The following LHCGR variants were observed in gnomAD, a reference collection of about 807,000 sequenced individuals.
The protein encoded by LHCGR is lutropin-choriogonadotropic hormone receptor.
A neutral mutation model predicts 60.7 loss-of-function variants in LHCGR; 55 were observed. The ratio of observed to expected loss-of-function variants is 0.91; its 90% CI spans 0.73 to 1.13. The LOEUF (loss-of-function observed/expected upper bound fraction) is 1.13. Among genes scored for constraint, LHCGR ranks in the 50% most tolerant of loss-of-function variants. The pLI is 0.00. For missense variants in LHCGR, 862 were observed against 836.0 expected (o/e 1.03, Z -0.38); for synonymous variants, 337 against 316.5 (o/e 1.06, Z -0.69).
At chr2:48,721,197 G>T (rs546658247) in intron 6 of LHCGR, 1 of 155,452 alleles carries the variant, frequency 6.4e-6, no homozygotes, top group South Asian at 2.0e-4. Flanking sequence ...ATATAGACAT[G>T]TGGGGAGACC....
At chr2:48,729,106 GAGGGTAATAGTGTAC>G in intron 3 of LHCGR, 32 bp downstream of exon 3, 1 of 1,387,692 alleles carries the variant, frequency 7.2e-7, no homozygotes, top group East Asian at 2.3e-5. Context: ...TCCAGCCAGT[GAGGGTAATAGTGTAC>G]AGCAGTAAAC....
chr2:48,709,467 T>C (rs1336859109), intron 7 of LHCGR, among the ~76,000 whole-genome samples: 1 of 152,182 alleles, frequency 6.6e-6, no homozygotes, highest in Non-Finnish European at 1.5e-5. Context: ...AGTTTGCAAA[T>C]ACTTGAAAAA....
chr2:48,755,416 G>A (rs965897742), intron 1 of LHCGR, 95 bp downstream of exon 1: 3 of 806,586 alleles, frequency 3.7e-6, no homozygotes, highest in Non-Finnish European at 5.8e-6. Context: ...CAAGCTTCCA[G>A]GGAAAGGGGG....
intron 1 of LHCGR, among the ~76,000 whole-genome samples, chr2:48,740,977 G>A (rs914843125): frequency 3.3e-5 from 5 of 152,202 alleles, no homozygotes; most frequent in Middle Eastern, 3.4e-3. Flanking sequence ...TAGAATAACC[G>A]ATACAGAGAA....
intron 6 of LHCGR, chr2:48,721,926 C>T (rs1000783172): frequency 1.0e-5 from 4 of 385,382 alleles, no homozygotes; most frequent in Non-Finnish European, 2.1e-5. Context: ...CCGAGGAGGG[C>T]AGGTCATGAG....
At chr2:48,752,981 C>CGGGGGGGGGG (rs60837194) in intron 1 of LHCGR, among the ~76,000 whole-genome samples, 5 of 7,614 alleles carry the variant, frequency 6.6e-4, no homozygotes, top group African/African-American at 2.5e-3. Flanking sequence ...CGGATTTTGG[C>CGGGGGGGGGG]GGGGGGGGGG....
intron 1 of LHCGR, among the ~76,000 whole-genome samples, 153 bp downstream of exon 1, chr2:48,755,358 A>C (rs1436058999): frequency 6.6e-6 from 1 of 152,078 alleles, no homozygotes; most frequent in Non-Finnish European, 1.5e-5. Flanking sequence ...TTGGGTTCTC[A>C]TCACCCTAAA....
Position 48,725,662 on chromosome 2 carries a change from G to C in LHCGR, c.383+14C>G. 6.3e-7 allele frequency: 1 copy of C among 1,599,188 alleles called. No individual in the cohort carries two copies. Among genetic ancestry groups the C allele is most frequent in the Non-Finnish European group, 8.6e-7 (1 of 1,166,768 alleles). ...CTTCCCCTCCCCAATTGCTTAAAAA[G>C]GAAAATTTCTCACAAGTATTTTAAT... On this transcript the variant is annotated intron_variant, in intron 4 of 10. Coordinates refer to ENST00000294954, the MANE Select transcript of LHCGR (RefSeq NM_000233.4).
intron 1 of LHCGR, among the ~76,000 whole-genome samples, chr2:48,752,993 G>A (rs1279233279): frequency 9.0e-6 from 1 of 111,576 alleles, no homozygotes; most frequent in African/African-American, 3.7e-5. Flanking sequence ...GGGGGGGGGG[G>A]GGGTGGGGAA....
intron 1 of LHCGR, among the ~76,000 whole-genome samples, chr2:48,755,107 A>C (rs1406133735): frequency 6.6e-6 from 1 of 151,980 alleles, no homozygotes; most frequent in Non-Finnish European, 1.5e-5. Flanking sequence ...CAGAGCTCAC[A>C]TTCACCTTCC....
At chr2:48,695,792 C>A (rs552655901) in intron 9 of LHCGR, among the ~76,000 whole-genome samples, 4 of 152,112 alleles carry the variant, frequency 2.6e-5, no homozygotes, top group Admixed American at 1.3e-4. Flanking sequence ...GATTAAAAAA[C>A]CAAATACTGC....
At chr2:48,689,095 A>G (rs1226714086) in intron 10 of LHCGR, among the ~76,000 whole-genome samples, 1 of 151,344 alleles carries the variant, frequency 6.6e-6, no homozygotes, top group Non-Finnish European at 1.5e-5. Context: ...ACACATATAT[A>G]TACATATATA....
intron 1 of LHCGR, among the ~76,000 whole-genome samples, chr2:48,752,372 A>G (rs1202589860): frequency 1.3e-5 from 2 of 152,186 alleles, no homozygotes. Context: ...CTATTGAGGG[A>G]CTAATGCTGA....
chr2:48,706,818 C>G (rs1386786630), intron 8 of LHCGR, among the ~76,000 whole-genome samples: 2 of 152,008 alleles, frequency 1.3e-5, no homozygotes, highest in African/African-American at 2.4e-5. Context: ...TTTTAGCTTC[C>G]TTGTGATGGG....
At chr2:48,700,837 G>T (rs548835758) in intron 8 of LHCGR, among the ~76,000 whole-genome samples, 44 of 152,288 alleles carry the variant, frequency 2.9e-4, no homozygotes, top group African/African-American at 1.0e-3. Context: ...TTATGGGGTT[G>T]AGTGGATATT....
chr2:48,732,234 G>T (rs950823235), intron 1 of LHCGR, among the ~76,000 whole-genome samples: 1 of 152,194 alleles, frequency 6.6e-6, no homozygotes, highest in African/African-American at 2.4e-5. Flanking sequence ...TAATGTTTTG[G>T]CCCAAGGACT....
intron 8 of LHCGR, among the ~76,000 whole-genome samples, chr2:48,704,628 G>A (rs953342651): frequency 2.0e-5 from 3 of 152,184 alleles, no homozygotes; most frequent in African/African-American, 7.2e-5. Flanking sequence ...GAGGGTGTAT[G>A]TGTCCAGGAA....
intron 1 of LHCGR, among the ~76,000 whole-genome samples, chr2:48,737,797 C>T (rs747570570): frequency 3.9e-5 from 6 of 152,144 alleles, no homozygotes; most frequent in Admixed American, 2.0e-4. Context: ...TTGATTGCTC[C>T]CTGCAGTTAC....
At position 48,723,648 on chromosome 2, in the gene LHCGR, G is replaced by A. The variant is rs759469888; in HGVS notation, c.432C>T (p.Val144=). Residue 144 remains valine, a synonymous_variant, in exon 5 of 11, where the codon GTC becomes GTT. Coordinates refer to ENST00000294954, the MANE Select transcript of LHCGR (RefSeq NM_000233.4). ...GIRKFPDVTK[V]FSSESNFILE... is the part of the protein sequence containing the mutation. Reference sequence around the variant, plus strand: ...GAATGAAATTTGATTCAGAGGAGAAGACCTTCGTAACATCTGGAAACTTTC... The same window carrying A: ...GAATGAAATTTGATTCAGAGGAGAAAACCTTCGTAACATCTGGAAACTTTC... 6.2e-7 allele frequency: 1 copy of A among 1,613,860 alleles called. No homozygotes were observed. Among genetic ancestry groups the A allele is most frequent in the Non-Finnish European group, 8.5e-7 (1 of 1,179,780 alleles).
Sources: gnomAD v4.1 joint callset for allele counts (sites outside exome capture counted in the v4.1 genomes callset) on GRCh38, gnomAD v4.1.1 for gene constraint, MANE v1.5 for transcripts, NCBI Gene and HGNC (gene_info 2026-07-23, HGNC 2026-07-21) for gene names.